ANKS1B: variants seen among roughly 807,000 people sequenced by gnomAD.
ANKS1B encodes the protein ankyrin repeat and sterile alpha motif domain-containing protein 1B.
In ANKS1B, 36 loss-of-function variants were observed where a neutral mutation model predicts 148.3. The ratio of observed to expected loss-of-function variants is 0.24; its 90% CI spans 0.19 to 0.32. ANKS1B has a LOEUF of 0.32. ANKS1B is among the 10% of genes least tolerant of loss of function. The pLI, the probability that ANKS1B is intolerant of heterozygous loss-of-function variation, is 1.00. For missense variants in ANKS1B, 1,157 were observed against 1,542.6 expected (o/e 0.75, Z 4.19); for synonymous variants, 542 against 560.8 (o/e 0.97, Z 0.47).
intron 17 of ANKS1B, among the ~76,000 whole-genome samples, chr12:99,050,774 C>A (rs1213069734): frequency 6.8e-6 from 1 of 146,746 alleles, no homozygotes; most frequent in African/African-American, 2.5e-5. Flanking sequence ...TCACTGCAAG[C>A]TCTGCCTCCT....
At chr12:99,036,437 C>G (rs1196780759) in intron 17 of ANKS1B, among the ~76,000 whole-genome samples, 1 of 152,164 alleles carries the variant, frequency 6.6e-6, no homozygotes, top group Non-Finnish European at 1.5e-5. Context: ...AGAACACACA[C>G]TTTTCCTCAT....
At chr12:98,865,574 A>G (rs115734699) in intron 17 of ANKS1B, among the ~76,000 whole-genome samples, 1,620 of 152,310 alleles carry the variant, frequency 0.011, 30 homozygotes, top group African/African-American at 0.037. Context: ...AAATTTACAG[A>G]GTATATTAGA....
chr12:98,846,705 C>T (rs908598294), intron 17 of ANKS1B, among the ~76,000 whole-genome samples: 4 of 152,202 alleles, frequency 2.6e-5, no homozygotes, highest in Admixed American at 2.6e-4. Context: ...ATAAGCTGTG[C>T]TTTCTTTCTG....
intron 10 of ANKS1B, among the ~76,000 whole-genome samples, chr12:99,489,598 C>G (rs2096536491): frequency 6.6e-6 from 1 of 152,136 alleles, no homozygotes; most frequent in South Asian, 2.1e-4. Context: ...CACCGTATCT[C>G]AAGATTTACA....
At chr12:99,589,695 T>C (rs2097680223) in intron 9 of ANKS1B, among the ~76,000 whole-genome samples, 1 of 152,136 alleles carries the variant, frequency 6.6e-6, no homozygotes, top group Non-Finnish European at 1.5e-5. Context: ...TGCATAAAGA[T>C]ATCCATCAGA....
intron 1 of ANKS1B, among the ~76,000 whole-genome samples, chr12:99,970,201 T>C (rs1290421390): frequency 2.6e-5 from 4 of 152,140 alleles, no homozygotes; most frequent in African/African-American, 4.8e-5. Context: ...TCAGAAATCC[T>C]GGGGTGGGAT....
intron 12 of ANKS1B, among the ~76,000 whole-genome samples, chr12:99,384,587 C>G (rs942692603): frequency 2.0e-5 from 3 of 151,894 alleles, no homozygotes; most frequent in African/African-American, 4.8e-5. Flanking sequence ...CTTTTCTTCT[C>G]GTCCCTTCCC....
chr12:99,378,862 A>G (rs2093516054), intron 12 of ANKS1B, among the ~76,000 whole-genome samples: 1 of 152,222 alleles, frequency 6.6e-6, no homozygotes, highest in Non-Finnish European at 1.5e-5. Flanking sequence ...GCCAACTCTC[A>G]GAGAGTAGAA....
Position 99,155,540 on chromosome 12 carries a change from AT to A in ANKS1B, c.2420-1146del, listed in dbSNP as rs749893243. ...TATAAAGGTAACATTAACTGGATAG[AT>A]TTTTTTTTTAATAAAGAAGATGAGC... On this transcript the variant is annotated intron_variant, in intron 14 of 26. Transcript: ENST00000683438. 1.2e-3 allele frequency among the ~76,000 whole-genome samples: 178 copies of A among 150,374 alleles called. 1 individual carries two copies. Among genetic ancestry groups the A allele is most frequent in the Middle Eastern group, 3.4e-3 (1 of 292 alleles).
intron 16 of ANKS1B, among the ~76,000 whole-genome samples, chr12:99,071,931 C>A (rs1016236991): frequency 6.6e-6 from 1 of 152,164 alleles, no homozygotes; most frequent in African/African-American, 2.4e-5. Context: ...AGGTATGAGC[C>A]ACCGTGCTCT....
At chr12:99,455,482 A>G (rs1168424086) in intron 10 of ANKS1B, among the ~76,000 whole-genome samples, 2 of 152,204 alleles carry the variant, frequency 1.3e-5, no homozygotes, top group East Asian at 3.8e-4. Flanking sequence ...TCTGTGAGTC[A>G]GCTTGCTTTC....
intron 17 of ANKS1B, among the ~76,000 whole-genome samples, chr12:98,848,825 G>A (rs1395404198): frequency 1.4e-5 from 2 of 138,622 alleles, no homozygotes; most frequent in African/African-American, 2.7e-5. Flanking sequence ...TGTGACCTCC[G>A]CCTCCCAGAT....
At chr12:99,208,791 A>T (rs1174335341) in intron 14 of ANKS1B, among the ~76,000 whole-genome samples, 5 of 152,130 alleles carry the variant, frequency 3.3e-5, no homozygotes, top group Non-Finnish European at 7.4e-5. Flanking sequence ...AATTTGAAAC[A>T]TTACTTGTTA....
chr12:99,462,611 G>C (rs1432872900), intron 10 of ANKS1B, among the ~76,000 whole-genome samples: 1 of 152,136 alleles, frequency 6.6e-6, no homozygotes, highest in Admixed American at 6.5e-5. Context: ...AGGTACTAAT[G>C]ACTGAGACAG....
intron 14 of ANKS1B, among the ~76,000 whole-genome samples, chr12:99,162,297 C>A (rs900208252): frequency 2.6e-5 from 4 of 151,822 alleles, no homozygotes; most frequent in African/African-American, 9.7e-5. Context: ...TGAATTGTAC[C>A]TTTTAAATCA....
In ANKS1B at chr12:99,539,401, C is replaced by T. The variant is rs150612421; in HGVS notation, c.1273-34760G>A. ...AAAGTTTTTTTGTATATTATTGAAA[C>T]AAACTGTTGATATTAATTCAAAATA... On this transcript the variant is annotated intron_variant, in intron 9 of 26. Transcript: ENST00000683438. Among the ~76,000 whole-genome samples the T allele has an allele frequency of 4.5e-3, 682 of 152,020 alleles. 6 individuals are homozygous for T. The highest frequency in any genetic ancestry group is 0.015 in the African/African-American group (634 of 41,478).
chr12:99,984,372 CTG>C lies in ANKS1B; in HGVS notation c.-137_-136del. The C allele has an allele frequency of 1.6e-6, 1 of 618,668 alleles. No homozygotes were observed. The highest frequency in any genetic ancestry group is 3.5e-5 in the East Asian group (1 of 28,216). 38.3% of individuals were successfully genotyped at this position (618,668 alleles called of 1,614,324 possible). A position where few individuals can be genotyped will look rare whatever the true frequency, so the allele number is the denominator to read the frequency against. On this transcript the variant is annotated 5_prime_UTR_variant, in exon 1 of 27. Transcript: ENST00000683438. ...CAAGAGCTTCAGCACGGAGAGCTCC[CTG>C]CAGCCCCAGGCAGGGAGCACGACTC...
chr12:99,771,096 T>C (rs1309009723), intron 8 of ANKS1B, among the ~76,000 whole-genome samples: 5 of 152,084 alleles, frequency 3.3e-5, no homozygotes, highest in Admixed American at 2.0e-4. Context: ...TCCTGAAAGA[T>C]AGAAGCTTGA....
Position 99,846,258 on chromosome 12 carries a change from C to T in ANKS1B, c.135-20869G>A, listed in dbSNP as rs114282703. ...AAATTGTATGTAATGTTTTTATTCT[C>T]CTTTCCTATTCTTTTCCCTCCTCTT... On this transcript the variant is annotated intron_variant, in intron 1 of 26. Transcript: ENST00000683438. Among the ~76,000 whole-genome samples the T allele has an allele frequency of 7.9e-3, 1,200 of 152,030 alleles. 16 individuals carry two copies. The highest frequency in any genetic ancestry group is 0.027 in the African/African-American group (1,134 of 41,500).
Sources: allele counts gnomAD v4.1 joint callset (sites outside exome capture counted in the v4.1 genomes callset), GRCh38; gene constraint gnomAD v4.1.1; transcripts MANE v1.5; gene names NCBI Gene and HGNC (gene_info 2026-07-23, HGNC 2026-07-21).